TNR: variants seen among roughly 807,000 people sequenced by gnomAD.
TNR encodes the protein tenascin R.
Under a neutral mutation model 150.4 loss-of-function variants are expected in TNR, and 45 were observed. That is an observed-to-expected ratio of 0.30 (90% CI 0.24 to 0.38). The LOEUF (loss-of-function observed/expected upper bound fraction) is 0.38, where lower values mean the gene tolerates loss of function less well. Ranked by LOEUF, TNR falls within the 10% of genes least tolerant of loss-of-function variation. TNR has a pLI of 1.00. For synonymous variants in TNR, 687 were observed against 678.4 expected (o/e 1.01, Z -0.20); for missense variants, 1,544 against 1,759.1 (o/e 0.88, Z 2.19).
chr1:175,393,991 T>G (rs1474021257), intron 5 of TNR, 96 bp from the exon 6 acceptor site: 1 of 949,424 alleles, frequency 1.1e-6, no homozygotes, highest in Non-Finnish European at 1.7e-6. Context: ...CTCCACGCCA[T>G]GGGCGTGGTG....
intron 7 of TNR, among the ~76,000 whole-genome samples, chr1:175,386,564 T>C (rs1169050548): frequency 1.3e-5 from 2 of 152,198 alleles, no homozygotes; most frequent in African/African-American, 4.8e-5. Flanking sequence ...CTTCCCAGTC[T>C]GGGCAGGGGA....
At chr1:175,465,847 A>G (rs1463482548) in intron 2 of TNR, among the ~76,000 whole-genome samples, 1 of 152,196 alleles carries the variant, frequency 6.6e-6, no homozygotes, top group Non-Finnish European at 1.5e-5. Flanking sequence ...TCTTATAAGC[A>G]GACCTGCTGG....
rs1310652834 is a variant in TNR, at chr1:175,366,221, C to T, written c.2054-83G>A. 4.9e-6 allele frequency: 7 copies of T among 1,423,992 alleles called. No individual in the cohort carries two copies. The African/African-American group carries it at 5.7e-5, about 12-fold the overall frequency. The allele number at this position is 1,423,992 out of a possible 1,614,324, so 88.2% of individuals were successfully genotyped here. ...TTGGCCTGCTTTGTGTGTTTCCAAGCTATCAGCAGGCCTGCTGACTATGAG... is the reference window on the plus strand; with the variant it reads ...TTGGCCTGCTTTGTGTGTTTCCAAGTTATCAGCAGGCCTGCTGACTATGAG... On this transcript the variant is annotated intron_variant, in intron 10 of 22. Coordinates refer to ENST00000367674, the MANE Select transcript of TNR (RefSeq NM_003285.3).
At chr1:175,610,708 C>T (rs997376594) in intron 1 of TNR, among the ~76,000 whole-genome samples, 2 of 152,176 alleles carry the variant, frequency 1.3e-5, no homozygotes, top group Non-Finnish European at 2.9e-5. Flanking sequence ...CACCGCAGTC[C>T]CACTATTGCA....
rs143755035 is a variant in TNR, at chr1:175,548,520, G to A, written c.-164-20151C>T. On this transcript the variant is annotated intron_variant, in intron 1 of 22. Coordinates refer to ENST00000367674, the MANE Select transcript of TNR (RefSeq NM_003285.3). ...GACCACTCTCCCCTGTGTCAGTCTC[G>A]TCCCTCTTCCTATATCCGCTCTTTC... Among the ~76,000 whole-genome samples, 1,476 of 152,046 alleles carry A rather than the reference G, an allele frequency of 9.7e-3. 27 individuals are homozygous for A. Among genetic ancestry groups the A allele is most frequent in the South Asian group, 0.022 (106 of 4,814 alleles).
chr1:175,728,309 G>A (rs1444251715), intron 1 of TNR, among the ~76,000 whole-genome samples: 1 of 152,178 alleles, frequency 6.6e-6, no homozygotes, highest in Non-Finnish European at 1.5e-5. Flanking sequence ...GCTGTCAGGA[G>A]GCCTGAAGTC....
At chr1:175,662,916 A>G (rs1365019354) in intron 1 of TNR, among the ~76,000 whole-genome samples, 1 of 152,206 alleles carries the variant, frequency 6.6e-6, no homozygotes. Flanking sequence ...TTGGTTTCAG[A>G]TAGAATTGTA....
At chr1:175,640,304 A>C (rs992098050) in intron 1 of TNR, among the ~76,000 whole-genome samples, 2 of 152,214 alleles carry the variant, frequency 1.3e-5, no homozygotes, top group African/African-American at 2.4e-5. Context: ...GCAAACATTG[A>C]GCACATCCTT....
intron 2 of TNR, among the ~76,000 whole-genome samples, chr1:175,437,625 C>A (rs1166996769): frequency 2.0e-5 from 3 of 151,796 alleles, no homozygotes; most frequent in Non-Finnish European, 4.4e-5. Context: ...ATTGATAGAC[C>A]GCTAGCAAGA....
At chr1:175,607,221 C>T (rs752082265) in intron 1 of TNR, among the ~76,000 whole-genome samples, 1 of 152,190 alleles carries the variant, frequency 6.6e-6, no homozygotes, top group Non-Finnish European at 1.5e-5. Flanking sequence ...GAGACTGAGT[C>T]GTCTTGAGAC....
intron 5 of TNR, among the ~76,000 whole-genome samples, chr1:175,395,132 C>A (rs943034043): frequency 6.6e-6 from 1 of 151,996 alleles, no homozygotes; most frequent in Admixed American, 6.6e-5. Flanking sequence ...CTTCTCATAG[C>A]GGAGTCCAAA....
chr1:175,725,573 C>A (rs1667455770), intron 1 of TNR, among the ~76,000 whole-genome samples: 1 of 152,132 alleles, frequency 6.6e-6, no homozygotes, highest in Non-Finnish European at 1.5e-5. Context: ...CAATAACAGT[C>A]ATGGCAACTA....
chr1:175,370,338 CTTTTTTTTTTTTTTTTTT>C (rs55795922), intron 9 of TNR, among the ~76,000 whole-genome samples: 4 of 42,926 alleles, frequency 9.3e-5, no homozygotes, highest in East Asian at 1.0e-3. Context: ...ATTTTGAGTA[CTTTTTTTTTTTTTTTTTT>C]TTTTTTTTTT....
Position 175,542,395 on chromosome 1 carries a change from C to G in TNR, c.-164-14026G>C, listed in dbSNP as rs76945696. Among the ~76,000 whole-genome samples the G allele has an allele frequency of 9.9e-3, 1,510 of 152,276 alleles. 12 individuals carry two copies. The highest frequency in any genetic ancestry group is 0.017 in the Non-Finnish European group (1,142 of 68,014). On this transcript the variant is annotated intron_variant, in intron 1 of 22. Transcript: ENST00000367674. Reference sequence around the variant, plus strand: ...CCTGTGGCCAGTCCCCATGTCTCATCATGTAGCTGCCCCTGCTATGAGGAA... The same window carrying G: ...CCTGTGGCCAGTCCCCATGTCTCATGATGTAGCTGCCCCTGCTATGAGGAA...
At position 175,316,876 on chromosome 1, in the gene TNR, T is replaced by A. The variant is rs1225593645; in HGVS notation, c.*6481A>T. On this transcript the variant is annotated 3_prime_UTR_variant, in exon 23 of 23. Coordinates refer to ENST00000367674, the MANE Select transcript of TNR (RefSeq NM_003285.3). ...GGCAAAAATAATGCAAGAATTTCCT[T>A]TTCTTAAAAGTCAGAAGAAGTGGCA... is the stretch of plus-strand genomic sequence containing the variant. The A allele has an allele frequency of 6.6e-6, 1 of 152,218 alleles. No individual in the cohort carries two copies. The highest frequency in any genetic ancestry group is 2.4e-5 in the African/African-American group (1 of 41,444). The allele number at this position is 152,218 out of a possible 1,614,324, so 9.4% of individuals were successfully genotyped here.
intron 3 of TNR, among the ~76,000 whole-genome samples, chr1:175,405,636 T>A (rs1211510713): frequency 6.6e-6 from 1 of 151,772 alleles, no homozygotes; most frequent in Non-Finnish European, 1.5e-5. Context: ...TGTGTGTGTG[T>A]GTGTGTGTGT....
intron 1 of TNR, among the ~76,000 whole-genome samples, chr1:175,718,012 G>A (rs1184229840): frequency 6.6e-6 from 1 of 152,216 alleles, no homozygotes; most frequent in Non-Finnish European, 1.5e-5. Context: ...ACATGGCAGA[G>A]GTTTCTGTTC....
At chr1:175,548,383 C>G (rs775122837) in intron 1 of TNR, among the ~76,000 whole-genome samples, 1 of 151,960 alleles carries the variant, frequency 6.6e-6, no homozygotes, top group Non-Finnish European at 1.5e-5. Flanking sequence ...AGTAGCTGCA[C>G]GAGGAGTCTC....
At position 175,323,497 on chromosome 1, in the gene TNR, C is replaced by T. The variant is rs150154842; in HGVS notation, c.3958-21G>A. 17 of 1,611,598 alleles carry T rather than the reference C, an allele frequency of 1.1e-5. No individual in the cohort carries two copies. The African/African-American group carries it at 1.9e-4, about 18-fold the overall frequency. The stretch of plus-strand genomic sequence containing the variant: ...ATGCCCTGGGCGTGAGAAAGATAAG[C>T]ATGTCAGGTCATCCCCCACCATGGA... On this transcript the variant is annotated intron_variant, in intron 22 of 22. Transcript: ENST00000367674.
Sources: allele counts gnomAD v4.1 joint callset (sites outside exome capture counted in the v4.1 genomes callset), GRCh38; gene constraint gnomAD v4.1.1; transcripts MANE v1.5; gene names NCBI Gene and HGNC (gene_info 2026-07-23, HGNC 2026-07-21).